Variants in CHLSN observed in about 807,000 individuals in gnomAD.
CHLSN encodes cholesin, also known as protein cholesin.
chr7:1,057,392 G>C, the CHLSN span: 3 of 605,294 alleles, frequency 5.0e-6, no homozygotes, highest in Non-Finnish European at 8.9e-6. Flanking sequence ...GGTCTGCAGC[G>C]ATTACTGCAC....
chr7:1,028,536 C>T, the CHLSN span: 1,106 of 985,078 alleles, frequency 1.1e-3, 11 homozygotes, highest in African/African-American at 0.018. Context: ...ACTGCTCCTC[C>T]GACGAGGCTC....
At chr7:1,046,415 A>C in the CHLSN span, among the ~76,000 whole-genome samples, 2 of 152,162 alleles carry the variant, frequency 1.3e-5, no homozygotes, top group South Asian at 2.1e-4. Flanking sequence ...CCTGCCTGCC[A>C]GCTCCTCTGC....
the CHLSN span, among the ~76,000 whole-genome samples, chr7:982,891 G>A: frequency 6.6e-6 from 1 of 152,210 alleles, no homozygotes; most frequent in African/African-American, 2.4e-5. Flanking sequence ...CAAGGGGCCT[G>A]GACTGGCAGG....
At chr7:1,066,941 G>A in the CHLSN span, among the ~76,000 whole-genome samples, 7 of 146,630 alleles carry the variant, frequency 4.8e-5, no homozygotes, top group African/African-American at 7.6e-5. Context: ...AGGGTTTGGG[G>A]CACAGTCTGT....
At chr7:1,096,737 G>A in the CHLSN span, among the ~76,000 whole-genome samples, 3 of 152,230 alleles carry the variant, frequency 2.0e-5, no homozygotes, top group Non-Finnish European at 4.4e-5. The surrounding 1 kb of genome is among the most constrained non-coding windows in gnomAD (Gnocchi z 4.6). Flanking sequence ...CTCGTTCTTT[G>A]TGCTTAACAA....
the CHLSN span, among the ~76,000 whole-genome samples, chr7:1,054,416 C>G: frequency 6.6e-6 from 1 of 152,224 alleles, no homozygotes; most frequent in Admixed American, 6.5e-5. Flanking sequence ...CACAGGAGAA[C>G]TTTCCACCTG....
At chr7:1,012,778 G>A in the CHLSN span, among the ~76,000 whole-genome samples, 1 of 152,092 alleles carries the variant, frequency 6.6e-6, no homozygotes. Context: ...GGCCTTGGGG[G>A]TGCCCGGCTC....
the CHLSN span, among the ~76,000 whole-genome samples, chr7:1,054,966 C>T: frequency 6.6e-6 from 1 of 152,192 alleles, no homozygotes. Context: ...AAAAAGGGTT[C>T]GTAACCAACA....
chr7:1,116,899 G>C, the CHLSN span, among the ~76,000 whole-genome samples: 2 of 35,996 alleles, frequency 5.6e-5, 1 homozygote, highest in Non-Finnish European at 9.6e-5. Context: ...CGTCCACGCA[G>C]GATGATGACA....
chr7:998,091 G>C, the CHLSN span, among the ~76,000 whole-genome samples: 1 of 152,184 alleles, frequency 6.6e-6, no homozygotes, highest in African/African-American at 2.4e-5. Context: ...GAGAAAATAC[G>C]ACACAAATTA....
the CHLSN span, among the ~76,000 whole-genome samples, chr7:1,096,402 C>T: frequency 5.3e-5 from 8 of 152,224 alleles, no homozygotes; most frequent in Non-Finnish European, 8.8e-5. This position sits in a 1 kb window ranked among gnomAD's most constrained non-coding sequence, Gnocchi z 4.6. Context: ...TAGAGCCAGC[C>T]TTGGACCCTG....
the CHLSN span, among the ~76,000 whole-genome samples, chr7:1,000,894 G>A: frequency 3.9e-5 from 6 of 152,204 alleles, no homozygotes; most frequent in Non-Finnish European, 7.3e-5. Flanking sequence ...TCTCTGGGAG[G>A]AAAGGGAGCG....
At chr7:1,072,417 G>GCTCC in the CHLSN span, among the ~76,000 whole-genome samples, 1 of 152,246 alleles carries the variant, frequency 6.6e-6, no homozygotes, top group Non-Finnish European at 1.5e-5. Flanking sequence ...GACCACGACT[G>GCTCC]CTCCTCGGAT....
At chr7:1,133,885 C>A in the CHLSN span, among the ~76,000 whole-genome samples, 2 of 152,262 alleles carry the variant, frequency 1.3e-5, no homozygotes, top group African/African-American at 2.4e-5. Flanking sequence ...CAGCTCACTG[C>A]AGCCTCGACC....
the CHLSN span, chr7:1,028,853 T>A: frequency 3.2e-6 from 2 of 617,256 alleles, no homozygotes; most frequent in Non-Finnish European, 3.8e-6. Context: ...ATCTTCCCAG[T>A]CTGCCATCTC....
the CHLSN span, among the ~76,000 whole-genome samples, chr7:1,068,562 G>C: frequency 2.0e-5 from 3 of 152,144 alleles, no homozygotes; most frequent in African/African-American, 7.2e-5. Flanking sequence ...ACAGTGTCTT[G>C]CTTGCTTAGG....
At chr7:1,124,137 T>C in the CHLSN span, among the ~76,000 whole-genome samples, 2 of 152,218 alleles carry the variant, frequency 1.3e-5, no homozygotes, top group Non-Finnish European at 2.9e-5. Context: ...AGCTTTCTTT[T>C]AATCAACACG....
chr7:1,030,103 G>T, the CHLSN span, among the ~76,000 whole-genome samples: 2 of 152,178 alleles, frequency 1.3e-5, 1 homozygote, highest in South Asian at 4.1e-4. Flanking sequence ...AGCCCCAGTG[G>T]CCTTGTGTGC....
chr7:1,080,345 C>T, the CHLSN span, among the ~76,000 whole-genome samples: 23 of 152,376 alleles, frequency 1.5e-4, no homozygotes, highest in East Asian at 3.9e-4. Flanking sequence ...CACAGCCCCC[C>T]GTGCTCAGTG....
Sources: allele counts gnomAD v4.1 joint callset (sites outside exome capture counted in the v4.1 genomes callset), GRCh38; gene constraint gnomAD v4.1.1; non-coding constraint Gnocchi (gnomAD v3.1); transcripts MANE v1.5; gene names NCBI Gene and HGNC (gene_info 2026-07-23, HGNC 2026-07-21).